Variants in SFI1 observed in about 807,000 individuals in gnomAD.
The protein encoded by SFI1 is protein SFI1 homolog.
Under a neutral mutation model 207.5 loss-of-function variants are expected in SFI1, and 195 were observed. That is an observed-to-expected ratio of 0.94 (90% CI 0.84 to 1.06). SFI1 has a LOEUF of 1.06. SFI1 is among the 50% of genes least tolerant of loss of function. The pLI, the probability that SFI1 is intolerant of heterozygous loss-of-function variation, is 0.00. For synonymous variants in SFI1, 630 were observed against 598.9 expected, an observed-to-expected ratio of 1.05 and a Z score of -0.76; for missense variants, 1,634 against 1,588.0, an observed-to-expected ratio of 1.03 and a Z score of -0.49.
chr22:31,559,804 T>A (rs1024555352), intron 7 of SFI1: 1 of 715,236 alleles, frequency 1.4e-6, no homozygotes, highest in African/African-American at 1.7e-5. Context: ...AGAAGCTCCG[T>A]GCAGATGTGG....
intron 6 of SFI1, among the ~76,000 whole-genome samples, chr22:31,553,836 ATGTTTTT>A (rs2060876641): frequency 9.1e-5 from 2 of 21,972 alleles, no homozygotes; most frequent in African/African-American, 2.7e-4. Context: ...TTAATGGATT[ATGTTTTT>A]TTTTTTTTTT....
intron 2 of SFI1, among the ~76,000 whole-genome samples, chr22:31,515,665 A>G (rs1248898022): frequency 6.6e-6 from 1 of 151,552 alleles, no homozygotes; most frequent in Non-Finnish European, 1.5e-5. Context: ...GATTATAGGC[A>G]TGAGCCATGT....
chr22:31,612,541 A>AC (rs1343024211), intron 24 of SFI1: 9 of 150,976 alleles, frequency 6.0e-5, no homozygotes, highest in Admixed American at 5.3e-4. Context: ...ACATAGTGAG[A>AC]CCCCATCTCT....
At position 31,557,025 on chromosome 22, in the gene SFI1, A is replaced by G. The variant is rs762196613; in HGVS notation, c.628A>G (p.Thr210Ala). 5 of 1,611,382 alleles carry G rather than the reference A, an allele frequency of 3.1e-6. No individual in the cohort carries two copies. Among genetic ancestry groups the G allele is most frequent in the Non-Finnish European group, 4.2e-6 (5 of 1,178,290 alleles). ...TAGGACCAAACTTCAGATGCAGACT[A>G]CAGCTCTGGAGTTTAGGCAACGGAT... is the stretch of plus-strand genomic sequence containing the variant. Reference protein sequence around the residue: ...VRRTKLQMQTTALEFRQRIIL... With the variant: ...VRRTKLQMQTAALEFRQRIIL... Residue 210 changes from threonine (T) to alanine (A), a missense_variant, in exon 7 of 33, where the codon ACA becomes GCA. Thr to Ala is a moderately conservative substitution (Grantham distance 58). Transcript: ENST00000400288.
Position 31,613,287 on chromosome 22 carries a change from G to A in SFI1, c.2566-67G>A. 5 of 1,607,392 alleles carry A rather than the reference G, an allele frequency of 3.1e-6. No individual in the cohort carries two copies. The South Asian group carries it at 4.4e-5, about 14-fold the overall frequency. ...CTTAGCCCTGCCTTGGGTGGAGGGA[G>A]GGCACCTGGTCTGTGGGGGAGCTCT... On this transcript the variant is annotated intron_variant, in intron 25 of 32. Transcript: ENST00000400288.
chr22:31,558,215 TAAA>T (rs1182661842), intron 7 of SFI1, among the ~76,000 whole-genome samples: 3 of 152,122 alleles, frequency 2.0e-5, no homozygotes, highest in Non-Finnish European at 4.4e-5. Context: ...TCAGTGGACA[TAAA>T]GAAGTTATTT....
chr22:31,573,086 T>C lies in SFI1; in HGVS notation c.794T>C (p.Leu265Pro), dbSNP rs770001239. The change falls in exon 9 of 33, where the codon CTG becomes CCG. Residue 265 changes from leucine (L) to proline (P), a missense_variant. Transcript: ENST00000400288. ...TGGTCACAGTGGCGGGAACAGCTCCTGTATGTCCAGAAGGAGAAACAAAAG... is the reference window on the plus strand; with the variant it reads ...TGGTCACAGTGGCGGGAACAGCTCCCGTATGTCCAGAAGGAGAAACAAAAG... ...QAWSQWREQL[L>P]YVQKEKQKVV... 10 of 1,612,050 alleles carry C rather than the reference T, an allele frequency of 6.2e-6. No individual in the cohort carries two copies. Among genetic ancestry groups the C allele is most frequent in the Middle Eastern group, 3.5e-4 (2 of 5,686 alleles).
chr22:31,583,761 G>T (rs1354567743), intron 12 of SFI1, 114 bp from the exon 13 acceptor site: 1 of 856,968 alleles, frequency 1.2e-6, no homozygotes, highest in African/African-American at 1.7e-5. Flanking sequence ...TATGTTGGCT[G>T]CTCCTAACTG....
chr22:31,530,489 C>CAAAA (rs3069094), intron 3 of SFI1: 3,673 of 113,416 alleles, frequency 0.032, 448 homozygotes, highest in South Asian at 0.05. Context: ...AACTCTGTCT[C>CAAAA]AAAAAAAAAA....
chr22:31,574,178 C>T (rs1400993432), intron 9 of SFI1, among the ~76,000 whole-genome samples: 1 of 152,206 alleles, frequency 6.6e-6, no homozygotes, highest in East Asian at 1.9e-4. Flanking sequence ...GGTTAAGGGT[C>T]TCTGGCGTTC....
At chr22:31,587,327 G>A in intron 14 of SFI1, 2 of 191,234 alleles carry the variant, frequency 1.0e-5, no homozygotes, top group Non-Finnish European at 1.0e-5. Flanking sequence ...TTTTGAGACA[G>A]GTTTCACTTT....
intron 14 of SFI1, among the ~76,000 whole-genome samples, chr22:31,585,968 C>G (rs980326923): frequency 6.6e-6 from 1 of 152,048 alleles, no homozygotes; most frequent in Non-Finnish European, 1.5e-5. Context: ...CTGTTGGAGT[C>G]TAACAGGTGA....
chr22:31,497,050 C>T (rs1175565764), intron 1 of SFI1, among the ~76,000 whole-genome samples: 1 of 152,204 alleles, frequency 6.6e-6, no homozygotes. Flanking sequence ...ATATGGGCGA[C>T]CTTACTCCCA....
chr22:31,572,840 T>TA (rs1392035568), intron 8 of SFI1: 1 of 419,122 alleles, frequency 2.4e-6, no homozygotes, highest in Non-Finnish European at 4.3e-6. Flanking sequence ...TTCTTTTTTT[T>TA]AATCCAGGAA....
At chr22:31,617,740 G>A (rs1315134957) in intron 31 of SFI1, among the ~76,000 whole-genome samples, 1 of 151,524 alleles carries the variant, frequency 6.6e-6, no homozygotes, top group Non-Finnish European at 1.5e-5. Flanking sequence ...AAAAAATGCA[G>A]AGGAGACAGG....
intron 7 of SFI1, among the ~76,000 whole-genome samples, chr22:31,560,784 C>T (rs1445230700): frequency 6.6e-6 from 1 of 151,738 alleles, no homozygotes; most frequent in Non-Finnish European, 1.5e-5. Flanking sequence ...TCACTGCAAC[C>T]TCTGCTTCCT....
intron 1 of SFI1, among the ~76,000 whole-genome samples, chr22:31,500,812 T>TG (rs2053628449): frequency 7.0e-6 from 1 of 143,266 alleles, no homozygotes; most frequent in African/African-American, 2.6e-5. Flanking sequence ...TTTTGTTTTT[T>TG]TTTTTGAGTC....
chr22:31,593,588 C>T (rs12484197), intron 15 of SFI1, among the ~76,000 whole-genome samples: 210 of 108,324 alleles, frequency 1.9e-3, no homozygotes, highest in Non-Finnish European at 3.3e-3. Context: ...ACTTCCCAGA[C>T]GGGGTGGCGG....
intron 4 of SFI1, among the ~76,000 whole-genome samples, chr22:31,542,258 C>G (rs2059615919): frequency 6.6e-6 from 1 of 151,204 alleles, no homozygotes; most frequent in Admixed American, 6.6e-5. Flanking sequence ...TATGCATACA[C>G]ACATGCTTGT....
Sources: gnomAD v4.1 joint callset for allele counts (sites outside exome capture counted in the v4.1 genomes callset) on GRCh38, gnomAD v4.1.1 for gene constraint, MANE v1.5 for transcripts, NCBI Gene and HGNC (gene_info 2026-07-23, HGNC 2026-07-21) for gene names.